Variants in SCGB3A2 observed in about 807,000 individuals in gnomAD.
SCGB3A2 encodes secretoglobin family 3A member 2, also known as pneumo secretory protein 1.
SCGB3A2 carries 5 observed loss-of-function variants against 7.7 expected under a neutral mutation model. The observed-to-expected ratio is 0.65, with a 90% CI of 0.34 to 1.36. The LOEUF is 1.36. Ranked by LOEUF, SCGB3A2 falls within the 40% of genes most tolerant of loss-of-function variation. The pLI, the probability that SCGB3A2 is intolerant of heterozygous loss-of-function variation, is 0.04. For synonymous variants in SCGB3A2, 44 were observed against 42.7 expected (o/e 1.03, Z -0.12); for missense variants, 109 against 103.6 (o/e 1.05, Z -0.23).
chr5:147,880,282 A>G (rs1757325871), intron 1 of SCGB3A2, among the ~76,000 whole-genome samples: 1 of 152,170 alleles, frequency 6.6e-6, no homozygotes, highest in Non-Finnish European at 1.5e-5. Flanking sequence ...TCCTAAAGCC[A>G]AAGATATAAA....
At position 147,881,660 on chromosome 5, in the gene SCGB3A2, T is replaced by A; in HGVS notation, c.258+12T>A. On this transcript the variant is annotated intron_variant, in intron 2 of 2. Coordinates refer to ENST00000296694, the MANE Select transcript of SCGB3A2 (RefSeq NM_054023.5). ...TGAAGAAACTGCTGGTAACCACAGCTTGGGAGGCTAATCTGCCAAAGGGGA... is the reference window on the plus strand; with the variant it reads ...TGAAGAAACTGCTGGTAACCACAGCATGGGAGGCTAATCTGCCAAAGGGGA... 1 of 1,610,512 alleles carries A rather than the reference T, an allele frequency of 6.2e-7. No individual in the cohort carries two copies. Among genetic ancestry groups the A allele is most frequent in the East Asian group, 2.2e-5 (1 of 44,772 alleles).
At chr5:147,879,685 G>T (rs1015854065) in intron 1 of SCGB3A2, among the ~76,000 whole-genome samples, 1 of 152,194 alleles carries the variant, frequency 6.6e-6, no homozygotes, top group Non-Finnish European at 1.5e-5. Context: ...GGGAAAAAGA[G>T]ATTTCATGAT....
intron 1 of SCGB3A2, among the ~76,000 whole-genome samples, chr5:147,879,178 T>G (rs540495236): frequency 6.6e-6 from 1 of 152,342 alleles, no homozygotes; most frequent in Non-Finnish European, 1.5e-5. Context: ...CACATTTCAC[T>G]GCTGGATATT....
In SCGB3A2 at chr5:147,880,038, A is replaced by T. The variant is rs191474476; in HGVS notation, c.55+1180A>T. ...AGGGACAATAGGTGATTGAAAATTT[A>T]AAAAAATATATACAGGCTCCATTTT... On this transcript the variant is annotated intron_variant, in intron 1 of 2. Coordinates refer to ENST00000296694, the MANE Select transcript of SCGB3A2 (RefSeq NM_054023.5). Among the ~76,000 whole-genome samples, 268 of 152,122 alleles carry T rather than the reference A, an allele frequency of 1.8e-3. 1 individual carries two copies. Among genetic ancestry groups the T allele is most frequent in the African/African-American group, 6.2e-3 (255 of 41,388 alleles).
In SCGB3A2 at chr5:147,881,463, A is replaced by C. The variant is rs140936862; in HGVS notation, c.73A>C (p.Asn25His). Residue 25 changes from asparagine to histidine, a missense_variant, in exon 2 of 3, where the codon AAC becomes CAC. Transcript: ENST00000296694. Reference protein sequence around the residue: ...CSYSATAFLINKVPLPVDKLA... With the variant: ...CSYSATAFLIHKVPLPVDKLA... ...TCCTGCAGCTACTGCCTTCCTCATC[A>C]ACAAAGTGCCCCTTCCTGTTGACAA... is the stretch of plus-strand genomic sequence containing the variant. 312 of 1,613,862 alleles carry C rather than the reference A, an allele frequency of 1.9e-4. No individual in the cohort carries two copies. Among genetic ancestry groups the C allele is most frequent in the Non-Finnish European group, 2.5e-4 (298 of 1,179,894 alleles).
chr5:147,881,213 T>G (rs1580975069), intron 1 of SCGB3A2: 1 of 500,046 alleles, frequency 2.0e-6, no homozygotes, highest in Non-Finnish European at 3.5e-6. Flanking sequence ...TCCGAGGAGG[T>G]AATATTTGAA....
rs200326093 is a variant in SCGB3A2, at chr5:147,878,908, G to A, written c.55+50G>A. The A allele has an allele frequency of 1.1e-4, 145 of 1,318,012 alleles. No individual in the cohort carries two copies. The African/African-American group carries it at 1.9e-3, about 18-fold the overall frequency. 81.6% of individuals were successfully genotyped at this position (1,318,012 alleles called of 1,614,324 possible). A position where few individuals can be genotyped will look rare whatever the true frequency, so the allele number is the denominator to read the frequency against. On this transcript the variant is annotated intron_variant, in intron 1 of 2. Transcript: ENST00000296694. ...ATATGTGACATTTCTTTACTTTTCT[G>A]TTAATAAGAGCACAACTAGTAAGCC...
Position 147,882,145 on chromosome 5 carries a change from C to A in SCGB3A2, c.*95C>A. Reference sequence around the variant, plus strand: ...TTCTACCAATTATAGATCAAATGCCCTAAAATGTAGTGACCCGTGAAAAGG... The same window carrying A: ...TTCTACCAATTATAGATCAAATGCCATAAAATGTAGTGACCCGTGAAAAGG... On this transcript the variant is annotated 3_prime_UTR_variant, in exon 3 of 3. Coordinates refer to ENST00000296694, the MANE Select transcript of SCGB3A2 (RefSeq NM_054023.5). The A allele has an allele frequency of 7.9e-7, 1 of 1,272,084 alleles. No individual in the cohort carries two copies. The highest frequency in any genetic ancestry group is 1.1e-6 in the Non-Finnish European group (1 of 870,912). 78.8% of individuals were successfully genotyped at this position (1,272,084 alleles called of 1,614,324 possible). A position where few individuals can be genotyped will look rare whatever the true frequency, so the allele number is the denominator to read the frequency against.
In SCGB3A2 at chr5:147,879,152, C is replaced by T. The variant is rs142541301; in HGVS notation, c.55+294C>T. Among the ~76,000 whole-genome samples the T allele has an allele frequency of 9.3e-4, 141 of 152,272 alleles. 3 individuals are homozygous for T. The highest frequency in any genetic ancestry group is 3.4e-3 in the Middle Eastern group (1 of 294). ...TACATAGGAAGTTAGCCAACTTCCA[C>T]GGAGGGTCAACAAAGCACATTTCAC... is the stretch of plus-strand genomic sequence containing the variant. On this transcript the variant is annotated intron_variant, in intron 1 of 2. Transcript: ENST00000296694.
At chr5:147,879,171 A>G (rs1243096948) in intron 1 of SCGB3A2, among the ~76,000 whole-genome samples, 2 of 152,128 alleles carry the variant, frequency 1.3e-5, no homozygotes, top group Admixed American at 6.5e-5. Flanking sequence ...AACAAAGCAC[A>G]TTTCACTGCT....
At chr5:147,880,156 C>T (rs911982713) in intron 1 of SCGB3A2, among the ~76,000 whole-genome samples, 1 of 152,152 alleles carries the variant, frequency 6.6e-6, no homozygotes, top group Non-Finnish European at 1.5e-5. Context: ...TACGTGTGTG[C>T]TCACATGCAT....
chr5:147,878,982 A>G (rs939707236), intron 1 of SCGB3A2, 124 bp downstream of exon 1: 4 of 696,740 alleles, frequency 5.7e-6, no homozygotes, highest in Non-Finnish European at 1.0e-5. Context: ...ATTTTTTTTT[A>G]TTTTACTTTT....
intron 1 of SCGB3A2, 98 bp from the exon 2 acceptor site, chr5:147,881,348 A>G: frequency 2.2e-6 from 2 of 926,272 alleles, no homozygotes; most frequent in Non-Finnish European, 3.4e-6. Context: ...AGATGAGTGG[A>G]TCTGGAATGG....
Position 147,881,544 on chromosome 5 carries a change from C to A in SCGB3A2, c.154C>A (p.Leu52Ile). Residue 52 changes from leucine (L) to isoleucine (I), a missense_variant, in exon 2 of 3, where the codon CTT becomes ATT. By Grantham distance (5) the Leu-to-Ile change is conservative (BLOSUM62 2). Transcript: ENST00000296694. ...ILPFMDPLKL[L>I]LKTLGISVEH... ...TCCCTTTATGGATCCATTAAAGCTT[C>A]TTCTGAAAACTCTGGGCATTTCTGT... 1 of 1,614,060 alleles carries A rather than the reference C, an allele frequency of 6.2e-7. No homozygotes were observed. Among genetic ancestry groups the A allele is most frequent in the Non-Finnish European group, 8.5e-7 (1 of 1,179,940 alleles).
At chr5:147,881,902 A>T in intron 2 of SCGB3A2, 125 bp from the exon 3 acceptor site, 4 of 1,017,626 alleles carry the variant, frequency 3.9e-6, no homozygotes, top group Non-Finnish European at 6.1e-6. Context: ...AGACGTAATC[A>T]CTCTGAGTTT....
chr5:147,882,031 C>G lies in SCGB3A2; in HGVS notation c.263C>G (p.Ala88Gly). 6.2e-7 allele frequency: 1 copy of G among 1,613,740 alleles called. No individual in the cohort carries two copies. Among genetic ancestry groups the G allele is most frequent in the Non-Finnish European group, 8.5e-7 (1 of 1,179,754 alleles). Residue 88 changes from alanine to glycine, a missense_variant, in exon 3 of 3, where the codon GCG (alanine) becomes GGG (glycine). Transcript: ENST00000296694. ...TGTTGTCCTTCTACATTTCAGGAGG[C>G]GCTATCACACTTGGTGTGACATCAA... ...ASEAVKKLLE[A>G]LSHLV is the part of the protein sequence containing the mutation.
intron 1 of SCGB3A2, among the ~76,000 whole-genome samples, chr5:147,879,937 A>G (rs1167526292): frequency 6.6e-6 from 1 of 152,208 alleles, no homozygotes; most frequent in Non-Finnish European, 1.5e-5. Flanking sequence ...GTCCAGGGAC[A>G]GGTATCTATG....
In SCGB3A2 at chr5:147,880,592, C is replaced by T. The variant is rs542599404; in HGVS notation, c.56-854C>T. On this transcript the variant is annotated intron_variant, in intron 1 of 2. Transcript: ENST00000296694. ...TTTACCTTATGATCCTGACATTTGC[C>T]TCAAGACATAGCTCTAACAGCACTT... is the stretch of plus-strand genomic sequence containing the variant. 5 of 152,300 alleles carry T rather than the reference C, an allele frequency of 3.3e-5. No homozygotes were observed. The South Asian group carries it at 1.0e-3, about 32-fold the overall frequency. The allele number at this position is 152,300 out of a possible 1,614,324, so 9.4% of individuals were successfully genotyped here.
intron 1 of SCGB3A2, 128 bp from the exon 2 acceptor site, chr5:147,881,318 A>G: frequency 1.3e-6 from 1 of 761,442 alleles, no homozygotes; most frequent in East Asian, 2.5e-5. Flanking sequence ...GGCCAGAGGT[A>G]GAAGTTTTCA....
Sources: gnomAD v4.1 joint callset for allele counts (sites outside exome capture counted in the v4.1 genomes callset) on GRCh38, gnomAD v4.1.1 for gene constraint, MANE v1.5 for transcripts, NCBI Gene and HGNC (gene_info 2026-07-23, HGNC 2026-07-21) for gene names.